Variants in OR6S1 observed in about 807,000 individuals in gnomAD.
OR6S1 encodes olfactory receptor 6S1.
For missense variants in OR6S1, 443 were observed against 401.7 expected, an observed-to-expected ratio of 1.10 and a Z score of -0.88; for synonymous variants, 182 against 166.0, an observed-to-expected ratio of 1.10 and a Z score of -0.74.
chr14:20,641,230 T>TC lies in OR6S1; in HGVS notation c.461dup (p.Leu155ThrfsTer18). On this transcript the variant is annotated frameshift_variant, in exon 1 of 1. Coordinates refer to ENST00000320704, the MANE Select transcript of OR6S1 (RefSeq NM_001001968.1). LOFTEE classifies it low-confidence loss of function (END_TRUNC). ...CTGTGGGACCAAGCACAGGGACGAG[T>TC]CCCCCCACCCAGCAGGCCAAGGCCA... The TC allele has an allele frequency of 1.9e-6, 3 of 1,612,308 alleles. No individual in the cohort carries two copies. Among genetic ancestry groups the TC allele is most frequent in the Non-Finnish European group, 2.5e-6 (3 of 1,179,490 alleles).
Position 20,641,300 on chromosome 14 carries a change from G to A in OR6S1, c.392C>T (p.Pro131Leu), listed in dbSNP as rs1199949464. The change falls in exon 1 of 1, where the codon CCT becomes CTT. Residue 131 changes from proline to leucine, a missense_variant. Coordinates refer to ENST00000320704, the MANE Select transcript of OR6S1 (RefSeq NM_001001968.1). ...SADRYLAICH[P>L]LRYPLLMSGA... ...ACTCATGAGCAAGGGGTAGCGCAGA[G>A]GATGACAGATGGCCAGGTAGCGATC... 100 of 1,614,024 alleles carry A rather than the reference G, an allele frequency of 6.2e-5. No individual in the cohort carries two copies. Among genetic ancestry groups the A allele is most frequent in the Non-Finnish European group, 8.1e-5 (95 of 1,180,002 alleles).
Position 20,641,517 on chromosome 14 carries a change from T to A in OR6S1, c.175A>T (p.Thr59Ser), listed in dbSNP as rs1288739153. ...TTACCCAGAAAGAAGTACATAGGGG[T>A]CTGTAGTCGAGTATCAGCCCTTACC... ...GVVRADTRLQ[T>S]PMYFFLGNLS... is the part of the protein sequence containing the mutation. Residue 59 changes from threonine to serine, a missense_variant, in exon 1 of 1, where the codon ACC (threonine) becomes TCC (serine). Transcript: ENST00000320704. 3.7e-6 allele frequency: 6 copies of A among 1,613,534 alleles called. No homozygotes were observed. The African/African-American group carries it at 4.0e-5, about 11-fold the overall frequency.
At position 20,641,187 on chromosome 14, in the gene OR6S1, GAAGCA is replaced by G; in HGVS notation, c.500_504del (p.Leu167SerfsTer4). On this transcript the variant is annotated frameshift_variant, in exon 1 of 1. Transcript: ENST00000320704. LOFTEE classifies it low-confidence loss of function (END_TRUNC). ...ACCACAGCACCCTGCTTACAGAAAG[GAAGCA>G]AGGCCACAGCCACTGTGGGACCAAG... The G allele has an allele frequency of 6.2e-7, 1 of 1,614,142 alleles. No individual in the cohort carries two copies. Among genetic ancestry groups the G allele is most frequent in the Non-Finnish European group, 8.5e-7 (1 of 1,179,996 alleles).
Position 20,641,419 on chromosome 14 carries a change from T to A in OR6S1, c.273A>T (p.Gln91His). 2 of 1,614,094 alleles carry A rather than the reference T, an allele frequency of 1.2e-6. No homozygotes were observed. Among genetic ancestry groups the A allele is most frequent in the Non-Finnish European group, 8.5e-7 (1 of 1,179,980 alleles). ...TACATGCAGCAAAGGAAATAGTGTG[T>A]TGCCTTGAGAGGAAATTGCTCAGCA... Reference protein sequence around the residue: ...PKMLSNFLSRQHTISFAACIT... With the variant: ...PKMLSNFLSRHHTISFAACIT... Residue 91 changes from glutamine to histidine, a missense_variant, in exon 1 of 1, where the codon CAA becomes CAT. Coordinates refer to ENST00000320704, the MANE Select transcript of OR6S1 (RefSeq NM_001001968.1).
Position 20,640,862 on chromosome 14 carries a change from A to G in OR6S1, c.830T>C (p.Val277Ala). 2 of 1,614,080 alleles carry G rather than the reference A, an allele frequency of 1.2e-6. No individual in the cohort carries two copies. ...QSGSVDTNWAVTVITTFVTPL... is the reference protein window; with the variant it reads ...QSGSVDTNWAATVITTFVTPL... ...TGTCACAAATGTCGTTATTACTGTCACTGCCCAGTTAGTGTCCACAGAACC... is the reference window on the plus strand; with the variant it reads ...TGTCACAAATGTCGTTATTACTGTCGCTGCCCAGTTAGTGTCCACAGAACC... The change falls in exon 1 of 1, where the codon GTG becomes GCG. Residue 277 changes from valine to alanine, a missense_variant. Physicochemically the swap from Val to Ala is moderately conservative, Grantham distance 64 (BLOSUM62 0). Coordinates refer to ENST00000320704, the MANE Select transcript of OR6S1 (RefSeq NM_001001968.1).
Position 20,640,700 on chromosome 14 carries a change from T to C in OR6S1, c.992A>G (p.Lys331Arg), listed in dbSNP as rs769717573. 2.6e-5 allele frequency: 41 copies of C among 1,549,116 alleles called. No homozygotes were observed. In the South Asian group the frequency reaches 4.3e-4, roughly 16 times the overall value. ...LDKCLSEKAV[K>R] Reference sequence around the variant, plus strand: ...TAGTTACTAGACTCTTCACTTTTACTTTACTGCTTTCTCACTGAGACATTT... The same window carrying C: ...TAGTTACTAGACTCTTCACTTTTACCTTACTGCTTTCTCACTGAGACATTT... Residue 331 changes from lysine to arginine, a missense_variant, in exon 1 of 1, where the codon AAG becomes AGG. By Grantham distance (26) the Lys-to-Arg change is conservative. Coordinates refer to ENST00000320704, the MANE Select transcript of OR6S1 (RefSeq NM_001001968.1).
rs1326874961 is a variant in OR6S1 at position 20,641,104 on chromosome 14, C to T, written c.588G>A (p.Lys196=). 3 of 1,614,040 alleles carry T rather than the reference C, an allele frequency of 1.9e-6. No individual in the cohort carries two copies. The highest frequency in any genetic ancestry group is 2.5e-6 in the Non-Finnish European group (3 of 1,180,020). The part of the protein sequence containing the change: ...PLLRLACTNT[K]KLEETDFVLA... Reference sequence around the variant, plus strand: ...GGACAAAGTCAGTCTCCTCCAGCTTCTTGGTGTTGGTGCAAGCCAGGCGGA... The same window carrying T: ...GGACAAAGTCAGTCTCCTCCAGCTTTTTGGTGTTGGTGCAAGCCAGGCGGA... Residue 196 remains lysine, a synonymous_variant, in exon 1 of 1, where the codon AAG becomes AAA. Transcript: ENST00000320704.
At position 20,641,602 on chromosome 14, in the gene OR6S1, A is replaced by G; in HGVS notation, c.90T>C (p.Phe30=). 6.2e-7 allele frequency: 1 copy of G among 1,613,746 alleles called. No individual in the cohort carries two copies. The highest frequency in any genetic ancestry group is 8.5e-7 in the Non-Finnish European group (1 of 1,179,658). Residue 30 remains phenylalanine (F), a synonymous_variant, in exon 1 of 1, where the codon TTT becomes TTC. Coordinates refer to ENST00000320704, the MANE Select transcript of OR6S1 (RefSeq NM_001001968.1). ...PNLNSARVEL[F]SVFLLVYLLN... Reference sequence around the variant, plus strand: ...GGAGATAGACAAGAAGAAACACAGAAAATAATTCCACTCTTGCGCTGTTGA... The same window carrying G: ...GGAGATAGACAAGAAGAAACACAGAGAATAATTCCACTCTTGCGCTGTTGA...
rs1283305766 is a variant in OR6S1 at position 20,641,228 on chromosome 14, A to G, written c.464T>C (p.Leu155Pro). The change falls in exon 1 of 1, where the codon CTC (leucine) becomes CCC (proline). Residue 155 changes from leucine to proline, a missense_variant. Leu to Pro is a moderately conservative substitution (Grantham distance 98). Coordinates refer to ENST00000320704, the MANE Select transcript of OR6S1 (RefSeq NM_001001968.1). ...CACTGTGGGACCAAGCACAGGGACGAGTCCCCCCACCCAGCAGGCCAAGGC... is the reference window on the plus strand; with the variant it reads ...CACTGTGGGACCAAGCACAGGGACGGGTCCCCCCACCCAGCAGGCCAAGGC... ...RVALACWVGG[L>P]VPVLGPTVAV... 2 of 1,614,100 alleles carry G rather than the reference A, an allele frequency of 1.2e-6. No individual in the cohort carries two copies. Among genetic ancestry groups the G allele is most frequent in the South Asian group, 2.2e-5 (2 of 91,074 alleles).
chr14:20,641,054 G>A lies in OR6S1; in HGVS notation c.638C>T (p.Ser213Phe), dbSNP rs776108341. The change falls in exon 1 of 1, where the codon TCC becomes TTC. Residue 213 changes from serine (S) to phenylalanine (F), a missense_variant. By Grantham distance (155) the Ser-to-Phe change is radical (BLOSUM62 -2). Coordinates refer to ENST00000320704, the MANE Select transcript of OR6S1 (RefSeq NM_001001968.1). ...GTAGGACACAGCAGTGATCAGCAAG[G>A]AAGATACAATGACGAGGGAGGCCAG... ...FVLASLVIVS[S>F]LLITAVSYGL... The A allele has an allele frequency of 3.7e-6, 6 of 1,614,082 alleles. No individual in the cohort carries two copies. Among genetic ancestry groups the A allele is most frequent in the South Asian group, 1.1e-5 (1 of 91,082 alleles).
Position 20,641,488 on chromosome 14 carries a change from C to G in OR6S1, c.204G>C (p.Leu68=), listed in dbSNP as rs2138955342. The part of the protein sequence containing the change: ...QTPMYFFLGN[L]SCLEILLTSV... ...AAGTGAGCAGTATCTCTAGGCAGGA[C>G]AGGTTACCCAGAAAGAAGTACATAG... The change falls in exon 1 of 1, where the codon CTG becomes CTC. Residue 68 remains leucine (L), a synonymous_variant. Transcript: ENST00000320704. 1 of 1,614,002 alleles carries G rather than the reference C, an allele frequency of 6.2e-7. No individual in the cohort carries two copies. The highest frequency in any genetic ancestry group is 8.5e-7 in the Non-Finnish European group (1 of 1,179,852).
rs1177721378 is a variant in OR6S1, at chr14:20,641,078, A to G, written c.614T>C (p.Leu205Pro). The G allele has an allele frequency of 6.2e-7, 1 of 1,614,192 alleles. No homozygotes were observed. Among genetic ancestry groups the G allele is most frequent in the South Asian group, 1.1e-5 (1 of 91,076 alleles). The change falls in exon 1 of 1, where the codon CTG becomes CCG. Residue 205 changes from leucine to proline, a missense_variant. By Grantham distance (98) the Leu-to-Pro change is moderately conservative. Transcript: ENST00000320704. ...TKKLEETDFVLASLVIVSSLL... is the reference protein window; with the variant it reads ...TKKLEETDFVPASLVIVSSLL... ...GGAAGATACAATGACGAGGGAGGCC[A>G]GGACAAAGTCAGTCTCCTCCAGCTT...
chr14:20,641,345 A>G lies in OR6S1; in HGVS notation c.347T>C (p.Leu116Pro), dbSNP rs746988739. 2.5e-5 allele frequency: 41 copies of G among 1,614,134 alleles called. No homozygotes were observed. Among genetic ancestry groups the G allele is most frequent in the Non-Finnish European group, 3.1e-5 (36 of 1,180,042 alleles). ...YFFLGASEFL[L>P]LAVMSADRYL... The stretch of plus-strand genomic sequence containing the variant: ...GCGATCCGCAGACATGACAGCCAAC[A>G]GTAAGAACTCGGAGGCCCCGAGAAA... The change falls in exon 1 of 1, where the codon CTG (leucine) becomes CCG (proline). Residue 116 changes from leucine (L) to proline (P), a missense_variant. Physicochemically the swap from Leu to Pro is moderately conservative, Grantham distance 98. Coordinates refer to ENST00000320704, the MANE Select transcript of OR6S1 (RefSeq NM_001001968.1).
In OR6S1 at chr14:20,641,548, C is replaced by T. The variant is rs371009320; in HGVS notation, c.144G>A (p.Val48=). 3.5e-5 allele frequency: 56 copies of T among 1,613,812 alleles called. No homozygotes were observed. The Middle Eastern group carries it at 6.6e-4, about 19-fold the overall frequency. ...LLNLTGNVLI[V]GVVRADTRLQ... ...GTCGAGTATCAGCCCTTACCACCCC[C>T]ACAATCAACACATTGCCTGTCAGAT... Residue 48 remains valine (V), a synonymous_variant, in exon 1 of 1, where the codon GTG becomes GTA. Transcript: ENST00000320704.
rs762726088 is a variant in OR6S1, at chr14:20,641,490, G to C, written c.202C>G (p.Leu68Val). The C allele has an allele frequency of 1.9e-6, 3 of 1,613,974 alleles. No individual in the cohort carries two copies. The highest frequency in any genetic ancestry group is 2.2e-5 in the South Asian group (2 of 91,074). The change falls in exon 1 of 1, where the codon CTG becomes GTG. Residue 68 changes from leucine to valine, a missense_variant. Transcript: ENST00000320704. ...QTPMYFFLGN[L>V]SCLEILLTSV... ...GTGAGCAGTATCTCTAGGCAGGACA[G>C]GTTACCCAGAAAGAAGTACATAGGG... is the stretch of plus-strand genomic sequence containing the variant.
chr14:20,641,688 T>G lies in OR6S1; in HGVS notation c.4A>C (p.Ser2Arg), dbSNP rs146776827. The G allele has an allele frequency of 6.3e-7, 1 of 1,587,882 alleles. No individual in the cohort carries two copies. The highest frequency in any genetic ancestry group is 1.2e-5 in the South Asian group (1 of 86,058). The part of the protein sequence containing the change: M[S>R]PDGNHSSDPT... The stretch of plus-strand genomic sequence containing the variant: ...TCACTACTGTGGTTCCCATCAGGAC[T>G]CATTGTCTTTTTCACCTGTCCAACA... The change falls in exon 1 of 1, where the codon AGT becomes CGT. Residue 2 changes from serine (S) to arginine (R), a missense_variant. Transcript: ENST00000320704.
At position 20,640,958 on chromosome 14, in the gene OR6S1, G is replaced by T; in HGVS notation, c.734C>A (p.Thr245Asn). The part of the protein sequence containing the change: ...SGRQKAFSTC[T>N]SHLIVVTLFY... ...GAGGGTCACCACTATCAAGTGGGAG[G>T]TACAGGTAGAGAAGGCCTTCTGACG... The change falls in exon 1 of 1, where the codon ACC (threonine) becomes AAC (asparagine). Residue 245 changes from threonine (T) to asparagine (N), a missense_variant. By Grantham distance (65) the Thr-to-Asn change is moderately conservative. Coordinates refer to ENST00000320704, the MANE Select transcript of OR6S1 (RefSeq NM_001001968.1). 3 of 1,614,086 alleles carry T rather than the reference G, an allele frequency of 1.9e-6. No individual in the cohort carries two copies. The highest frequency in any genetic ancestry group is 1.7e-6 in the Non-Finnish European group (2 of 1,180,004).
chr14:20,641,515 G>T lies in OR6S1; in HGVS notation c.177C>A (p.Thr59=), dbSNP rs1240218667. Residue 59 remains threonine (T), a synonymous_variant, in exon 1 of 1, where the codon ACC becomes ACA. Transcript: ENST00000320704. ...GGTTACCCAGAAAGAAGTACATAGG[G>T]GTCTGTAGTCGAGTATCAGCCCTTA... ...GVVRADTRLQ[T]PMYFFLGNLS... 1.2e-6 allele frequency: 2 copies of T among 1,613,604 alleles called. No individual in the cohort carries two copies. Among genetic ancestry groups the T allele is most frequent in the Non-Finnish European group, 8.5e-7 (1 of 1,179,546 alleles).
At position 20,641,402 on chromosome 14, in the gene OR6S1, G is replaced by A; in HGVS notation, c.290C>T (p.Ala97Val). The change falls in exon 1 of 1, where the codon GCT becomes GTT. Residue 97 changes from alanine (A) to valine (V), a missense_variant. Ala to Val is a moderately conservative substitution (Grantham distance 64). Transcript: ENST00000320704. ...FLSRQHTISF[A>V]ACITQFYFYF... ...GAAATAGAATTGGGTGATACATGCA[G>A]CAAAGGAAATAGTGTGTTGCCTTGA... 4 of 1,614,044 alleles carry A rather than the reference G, an allele frequency of 2.5e-6. No homozygotes were observed. In the African/African-American group the frequency reaches 5.3e-5, roughly 22 times the overall value.
Sources: allele counts gnomAD v4.1 joint callset, GRCh38; gene constraint gnomAD v4.1.1; transcripts MANE v1.5; gene names NCBI Gene and HGNC (gene_info 2026-07-23, HGNC 2026-07-21).